Variants in CCBE1 observed in about 807,000 individuals in gnomAD.
The protein encoded by CCBE1 is collagen and calcium-binding EGF domain-containing protein 1.
In CCBE1, 37 loss-of-function variants were observed where a neutral mutation model predicts 50.0. That is an observed-to-expected ratio of 0.74 (90% CI 0.57 to 0.97). The LOEUF is 0.97. CCBE1 is among the 50% of genes least tolerant of loss of function. The probability of loss-of-function intolerance (pLI) is 0.00; values close to 1 mark genes in which losing one functional copy is unlikely to be tolerated. For synonymous variants in CCBE1, 234 were observed against 203.7 expected (o/e 1.15, Z -1.27); for missense variants, 538 against 523.8 (o/e 1.03, Z -0.26).
At chr18:59,676,799 A>C (rs1296608403) in intron 2 of CCBE1, among the ~76,000 whole-genome samples, 1 of 152,244 alleles carries the variant, frequency 6.6e-6, no homozygotes, top group Non-Finnish European at 1.5e-5. Context: ...GAGACCTCTT[A>C]CTGAGGATGT....
chr18:59,654,770 G>C (rs1356005880), intron 2 of CCBE1, among the ~76,000 whole-genome samples: 1 of 132,250 alleles, frequency 7.6e-6, no homozygotes, highest in East Asian at 2.3e-4. Context: ...CCAGCCTGGT[G>C]ACAGAGTGAG....
At chr18:59,654,125 G>C (rs1279408821) in intron 2 of CCBE1, among the ~76,000 whole-genome samples, 2 of 152,216 alleles carry the variant, frequency 1.3e-5, no homozygotes, top group South Asian at 2.1e-4. Context: ...GCCAAGTACT[G>C]ATGGGATAAA....
Position 59,458,333 on chromosome 18 carries a change from C to A in CCBE1, c.554-3382G>T, listed in dbSNP as rs545955486. 2.6e-5 allele frequency among the ~76,000 whole-genome samples: 4 copies of A among 152,350 alleles called. No individual in the cohort carries two copies. The South Asian group carries it at 8.3e-4, about 32-fold the overall frequency. On this transcript the variant is annotated intron_variant, in intron 5 of 10. Transcript: ENST00000439986. Reference sequence around the variant, plus strand: ...GAGAATGCAAAGTAAGTGAGGATATCTGTTTAACAATTTTCAATTCACCTT... The same window carrying A: ...GAGAATGCAAAGTAAGTGAGGATATATGTTTAACAATTTTCAATTCACCTT...
At chr18:59,627,176 T>A (rs1021102262) in intron 2 of CCBE1, among the ~76,000 whole-genome samples, 10 of 152,244 alleles carry the variant, frequency 6.6e-5, no homozygotes, top group African/African-American at 2.4e-4. Flanking sequence ...CTCCCTCTCA[T>A]GTTAATCCTG....
At chr18:59,670,020 A>G (rs537078792) in intron 2 of CCBE1, among the ~76,000 whole-genome samples, 1 of 152,168 alleles carries the variant, frequency 6.6e-6, no homozygotes, top group East Asian at 1.9e-4. Flanking sequence ...TTTCTCGTGT[A>G]AACAGCACAG....
intron 2 of CCBE1, among the ~76,000 whole-genome samples, chr18:59,637,292 G>A (rs1161948881): frequency 6.6e-6 from 1 of 152,088 alleles, no homozygotes; most frequent in Non-Finnish European, 1.5e-5. Context: ...ACGTTTTAAT[G>A]TTCAATGATG....
rs1183987212 is a variant in CCBE1, at chr18:59,439,937, G to A, written c.776-121C>T. On this transcript the variant is annotated intron_variant, in intron 7 of 10. Transcript: ENST00000439986. ...TGTACTCTCTCTGCCTTTGCCTTCT[G>A]ACATCTCCATCAGGCTGTCCCACAG... is the stretch of plus-strand genomic sequence containing the variant. 11 of 1,045,118 alleles carry A rather than the reference G, an allele frequency of 1.1e-5. No homozygotes were observed. The East Asian group carries it at 2.2e-4, about 21-fold the overall frequency. 64.7% of individuals were successfully genotyped at this position (1,045,118 alleles called of 1,614,324 possible). A position where few individuals can be genotyped will look rare whatever the true frequency, so the allele number is the denominator to read the frequency against.
intron 5 of CCBE1, among the ~76,000 whole-genome samples, chr18:59,456,761 C>T (rs1266654384): frequency 1.3e-5 from 2 of 152,210 alleles, no homozygotes; most frequent in African/African-American, 4.8e-5. Context: ...AGCCCGACTG[C>T]CCAGTCCTCT....
intron 7 of CCBE1, among the ~76,000 whole-genome samples, chr18:59,444,654 A>C (rs1910594397): frequency 6.6e-6 from 1 of 151,878 alleles, no homozygotes; most frequent in African/African-American, 2.4e-5. Context: ...AGTAGCTGGG[A>C]CTATAGCCTG....
At chr18:59,668,155 C>T (rs186019955) in intron 2 of CCBE1, among the ~76,000 whole-genome samples, 57 of 152,100 alleles carry the variant, frequency 3.7e-4, no homozygotes, top group African/African-American at 1.4e-3. Flanking sequence ...CATGGTGGCT[C>T]ATGTCTGTAA....
intron 2 of CCBE1, among the ~76,000 whole-genome samples, chr18:59,690,270 A>G (rs1003463542): frequency 6.6e-6 from 1 of 152,242 alleles, no homozygotes; most frequent in African/African-American, 2.4e-5. Context: ...CACTATTTAA[A>G]ATGAGTCAAT....
At chr18:59,697,108 G>A in intron 1 of CCBE1, 104 bp downstream of exon 1, 1 of 1,452,972 alleles carries the variant, frequency 6.9e-7, no homozygotes, top group Non-Finnish European at 9.4e-7. Context: ...GTGAGGGCGT[G>A]CGGATCGCTG....
chr18:59,612,816 TTTTTTTTTTG>T (rs2053589228), intron 2 of CCBE1, among the ~76,000 whole-genome samples: 1 of 99,320 alleles, frequency 1.0e-5, no homozygotes, highest in East Asian at 5.4e-4. Flanking sequence ...ATCTCAAGGG[TTTTTTTTTTG>T]TTTTTTTTTG....
chr18:59,595,340 C>T lies in CCBE1; in HGVS notation c.212+101289G>A, dbSNP rs56117435. Reference sequence around the variant, plus strand: ...GTGTCGGACAGATCAGATTTTGATCCCACCTCTGGCCTTCGATAACAGGCA... The same window carrying T: ...GTGTCGGACAGATCAGATTTTGATCTCACCTCTGGCCTTCGATAACAGGCA... On this transcript the variant is annotated intron_variant, in intron 2 of 10. Transcript: ENST00000439986. Among the ~76,000 whole-genome samples, 266 of 152,056 alleles carry T rather than the reference C, an allele frequency of 1.7e-3. 3 individuals carry two copies. Among genetic ancestry groups the T allele is most frequent in the African/African-American group, 6.0e-3 (248 of 41,484 alleles).
intron 2 of CCBE1, among the ~76,000 whole-genome samples, chr18:59,482,417 C>T (rs1912615122): frequency 6.6e-6 from 1 of 152,176 alleles, no homozygotes; most frequent in Non-Finnish European, 1.5e-5. Flanking sequence ...ACCAGAAATA[C>T]TGTTTGACTC....
intron 2 of CCBE1, among the ~76,000 whole-genome samples, chr18:59,595,356 A>T (rs1437199822): frequency 6.6e-6 from 1 of 152,032 alleles, no homozygotes; most frequent in Admixed American, 6.5e-5. Flanking sequence ...CTGGCCTTCG[A>T]TAACAGGCAA....
rs944144286 is a variant in CCBE1, at chr18:59,432,605, T to C, written c.*3303A>G. On this transcript the variant is annotated 3_prime_UTR_variant, in exon 11 of 11. Coordinates refer to ENST00000439986, the MANE Select transcript of CCBE1 (RefSeq NM_133459.4). The stretch of plus-strand genomic sequence containing the variant: ...GGGCATAAAAAGTACATATCAGTCT[T>C]GCAGTAGTCCAAGTTTTGAAAATCT... The C allele has an allele frequency of 6.6e-6, 1 of 152,214 alleles. No individual in the cohort carries two copies. The highest frequency in any genetic ancestry group is 1.5e-5 in the Non-Finnish European group (1 of 68,028). 9.4% of individuals were successfully genotyped at this position (152,214 alleles called of 1,614,324 possible).
At chr18:59,467,888 C>A (rs1911828262) in intron 4 of CCBE1, among the ~76,000 whole-genome samples, 1 of 152,150 alleles carries the variant, frequency 6.6e-6, no homozygotes, top group Non-Finnish European at 1.5e-5. Flanking sequence ...GCAGTACCAA[C>A]TATGTCACCT....
intron 2 of CCBE1, among the ~76,000 whole-genome samples, chr18:59,696,052 C>T (rs892712930): frequency 6.6e-6 from 1 of 152,168 alleles, no homozygotes; most frequent in Non-Finnish European, 1.5e-5. Context: ...TTAACAAGCA[C>T]CCGGGTCACT....
Sources: gnomAD v4.1 joint callset for allele counts (sites outside exome capture counted in the v4.1 genomes callset) on GRCh38, gnomAD v4.1.1 for gene constraint, MANE v1.5 for transcripts, NCBI Gene and HGNC (gene_info 2026-07-23, HGNC 2026-07-21) for gene names.